FRY: variants seen among roughly 807,000 people sequenced by gnomAD.
FRY encodes protein furry homolog.
A neutral mutation model predicts 348.4 loss-of-function variants in FRY; 128 were observed. That is an observed-to-expected ratio of 0.37 (90% CI 0.32 to 0.43). The LOEUF is 0.43. FRY is among the 20% of genes least tolerant of loss of function. The pLI, the probability that FRY is intolerant of heterozygous loss-of-function variation, is 1.00. For synonymous variants in FRY, 1,370 were observed against 1,374.7 expected (o/e 1.00, Z 0.08); for missense variants, 2,736 against 3,695.2 (o/e 0.74, Z 6.73).
chr13:32,154,549 G>T (rs1880987805), intron 14 of FRY, among the ~76,000 whole-genome samples: 1 of 152,154 alleles, frequency 6.6e-6, no homozygotes, highest in South Asian at 2.1e-4. Flanking sequence ...CTGAAAAAAT[G>T]AGAATACTTT....
chr13:32,114,186 C>A (rs1878154730), intron 3 of FRY, among the ~76,000 whole-genome samples: 1 of 152,146 alleles, frequency 6.6e-6, no homozygotes, highest in Admixed American at 6.5e-5. Flanking sequence ...ATATCCCACA[C>A]AAGTATTTTT....
intron 28 of FRY, among the ~76,000 whole-genome samples, chr13:32,190,176 A>C (rs954493884): frequency 6.6e-6 from 1 of 151,954 alleles, no homozygotes; most frequent in Non-Finnish European, 1.5e-5. Context: ...CTTGAAAAAA[A>C]AAACACCCTA....
intron 3 of FRY, among the ~76,000 whole-genome samples, chr13:32,108,474 G>A (rs1014886693): frequency 6.6e-6 from 1 of 152,170 alleles, no homozygotes; most frequent in Admixed American, 6.5e-5. Flanking sequence ...GGCATGTATT[G>A]TTAAAGGATA....
chr13:32,274,645 A>G (rs902642829), intron 55 of FRY, among the ~76,000 whole-genome samples, 197 bp from the exon 56 acceptor site: 1 of 138,524 alleles, frequency 7.2e-6, no homozygotes. Context: ...GGGAGCTTGC[A>G]GTGAGCCGAG....
rs1889538032 is a variant in FRY at position 32,294,560 on chromosome 13, A to G, written c.8773A>G (p.Arg2925Gly). The change falls in exon 60 of 61, where the codon AGG becomes GGG. Residue 2925 changes from arginine (R) to glycine (G), a missense_variant. Transcript: ENST00000542859. ...ACTCGGCAAAGCTTTGCGGCAGATC[A>G]GGGAGTGCAGGTGACTCTGCTATTT... is the stretch of plus-strand genomic sequence containing the variant. ...NELGKALRQI[R>G]ECRSLWPNDI... The G allele has an allele frequency of 6.2e-7, 1 of 1,612,880 alleles. No homozygotes were observed.
At chr13:32,043,171 T>C (rs1306816636) in intron 1 of FRY, among the ~76,000 whole-genome samples, 1 of 152,154 alleles carries the variant, frequency 6.6e-6, no homozygotes, top group Non-Finnish European at 1.5e-5. Context: ...TATCAAACCA[T>C]CGGATCTTGT....
intron 40 of FRY, 54 bp from the exon 41 acceptor site, chr13:32,231,125 T>C: frequency 6.3e-7 from 1 of 1,578,098 alleles, no homozygotes; most frequent in Non-Finnish European, 8.7e-7. Context: ...ATGTGTAGTT[T>C]TAAAAATGCA....
In FRY at chr13:32,082,221, T is replaced by TTAA. The variant is rs1555250521; in HGVS notation, c.270+3188_270+3189insTAA. On this transcript the variant is annotated intron_variant, in intron 2 of 60. Transcript: ENST00000542859. Reference sequence around the variant, plus strand: ...TTTGCAATATCCAGATAGCCAACTTTAAAAAAAAAAAAAAAAACAGGAAAT... The same window carrying TTAA: ...TTTGCAATATCCAGATAGCCAACTTTTAAAAAAAAAAAAAAAAAAACAGGAAAT... 1.1e-4 allele frequency among the ~76,000 whole-genome samples: 16 copies of TTAA among 140,774 alleles called. No homozygotes were observed. The South Asian group carries it at 3.1e-3, about 27-fold the overall frequency. 92.4% of individuals were successfully genotyped at this position (140,774 alleles called of 152,430 possible).
chr13:32,120,550 T>C (rs1878588279), intron 4 of FRY, among the ~76,000 whole-genome samples: 1 of 152,176 alleles, frequency 6.6e-6, no homozygotes. Context: ...ATTTGTGAGA[T>C]TTTGGTGCAC....
At chr13:32,039,705 T>G (rs1340915911) in intron 1 of FRY, among the ~76,000 whole-genome samples, 1 of 152,200 alleles carries the variant, frequency 6.6e-6, no homozygotes, top group African/African-American at 2.4e-5. Context: ...ATGAGTCTGA[T>G]TTGGTTTAAT....
At chr13:32,162,399 A>T (rs995876758) in intron 17 of FRY, among the ~76,000 whole-genome samples, 1 of 152,138 alleles carries the variant, frequency 6.6e-6, no homozygotes, top group Admixed American at 6.5e-5. Context: ...ATGGCTGCAC[A>T]TAATCTGGTG....
chr13:32,166,538 A>AT (rs1296076353), intron 17 of FRY, among the ~76,000 whole-genome samples: 5 of 152,100 alleles, frequency 3.3e-5, no homozygotes, highest in Admixed American at 1.3e-4. Context: ...TTAGATAGCT[A>AT]TTTTTTTCCC....
Position 32,225,955 on chromosome 13 carries a change from A to G in FRY, c.5187A>G (p.Gln1729=), listed in dbSNP as rs770294373. The G allele has an allele frequency of 8.7e-6, 14 of 1,614,044 alleles. No individual in the cohort carries two copies. The highest frequency in any genetic ancestry group is 5.5e-5 in the South Asian group (5 of 91,070). Residue 1729 remains glutamine (Q), a synonymous_variant, in exon 39 of 61, where the codon CAA becomes CAG. Transcript: ENST00000542859. ...CTCTAACCGTGCAGCCAGCCTACCA[A>G]CCTGAATATCTCTATACAGGTAACA... ...AKTLTVQPAY[Q]PEYLYTGGFD...
At chr13:32,113,588 G>C (rs1878110053) in intron 3 of FRY, among the ~76,000 whole-genome samples, 1 of 152,198 alleles carries the variant, frequency 6.6e-6, no homozygotes, top group Admixed American at 6.5e-5. Context: ...ATGCTGCCCA[G>C]TACCTAGCTC....
chr13:32,094,096 T>C (rs756179680), intron 2 of FRY, among the ~76,000 whole-genome samples: 10 of 152,240 alleles, frequency 6.6e-5, no homozygotes, highest in Admixed American at 2.6e-4. Flanking sequence ...ACTTATTTAA[T>C]GCTCTTTAAA....
At chr13:32,173,715 T>G (rs1882221922) in intron 19 of FRY, among the ~76,000 whole-genome samples, 166 bp downstream of exon 19, 1 of 152,220 alleles carries the variant, frequency 6.6e-6, no homozygotes, top group Non-Finnish European at 1.5e-5. Context: ...CTTGATCTAC[T>G]AGATGTAAGT....
intron 20 of FRY, among the ~76,000 whole-genome samples, chr13:32,177,733 G>A (rs1338563803): frequency 3.3e-5 from 5 of 152,298 alleles, no homozygotes; most frequent in Admixed American, 1.3e-4. Context: ...TGTAAGGAAA[G>A]ATAGAGAAGA....
At chr13:32,215,570 A>T (rs920060097) in intron 35 of FRY, among the ~76,000 whole-genome samples, 1 of 152,216 alleles carries the variant, frequency 6.6e-6, no homozygotes, top group African/African-American at 2.4e-5. Flanking sequence ...AAAAATCTTC[A>T]TAAGTTTTTG....
chr13:32,240,835 G>A (rs1886460332), intron 46 of FRY, among the ~76,000 whole-genome samples: 1 of 152,170 alleles, frequency 6.6e-6, no homozygotes, highest in Non-Finnish European at 1.5e-5. Context: ...CATCAATCCA[G>A]ATGCCAGATA....
Sources: allele counts gnomAD v4.1 joint callset (sites outside exome capture counted in the v4.1 genomes callset), GRCh38; gene constraint gnomAD v4.1.1; transcripts MANE v1.5; gene names NCBI Gene and HGNC (gene_info 2026-07-23, HGNC 2026-07-21).